NAV3: variants seen among roughly 807,000 people sequenced by gnomAD.
NAV3 encodes the protein pore membrane and/or filament interacting like protein 1.
NAV3 carries 87 observed loss-of-function variants against 244.7 expected under a neutral mutation model. The ratio of observed to expected loss-of-function variants is 0.36; its 90% confidence interval spans 0.30 to 0.42. NAV3 has a LOEUF of 0.42. Ranked by LOEUF, NAV3 falls within the 20% of genes least tolerant of loss-of-function variation. NAV3 has a pLI of 1.00. For synonymous variants in NAV3, 1,126 were observed against 1,042.2 expected (o/e 1.08, Z -1.55); for missense variants, 2,663 against 2,893.3 (o/e 0.92, Z 1.83).
chr12:78,048,766 C>G (rs1186471556), intron 9 of NAV3, among the ~76,000 whole-genome samples: 2 of 152,234 alleles, frequency 1.3e-5, no homozygotes, highest in African/African-American at 2.4e-5. Flanking sequence ...ATCCGCTGCT[C>G]TCTTCAGAGC....
chr12:77,706,967 C>CA (rs1007253867), intron 2 of NAV3, among the ~76,000 whole-genome samples: 3 of 149,754 alleles, frequency 2.0e-5, no homozygotes, highest in African/African-American at 7.3e-5. Context: ...GTGCATATTT[C>CA]ACCTGCTTGG....
At chr12:77,686,424 CTTTTTTTTTTTTT>C (rs10573795) in intron 2 of NAV3, among the ~76,000 whole-genome samples, 4 of 113,856 alleles carry the variant, frequency 3.5e-5, no homozygotes, top group African/African-American at 1.4e-4. Context: ...TTCTTTCTTT[CTTTTTTTTTTTTT>C]TTTTTTTTTT....
chr12:77,891,104 T>C (rs1883881846), intron 1 of NAV3, among the ~76,000 whole-genome samples: 1 of 151,988 alleles, frequency 6.6e-6, no homozygotes, highest in Non-Finnish European at 1.5e-5. Context: ...TTTCTTGGTA[T>C]TCCTGTCTTA....
intron 7 of NAV3, among the ~76,000 whole-genome samples, chr12:77,999,426 C>T (rs943468470): frequency 1.5e-4 from 23 of 152,184 alleles, no homozygotes; most frequent in African/African-American, 5.5e-4. Flanking sequence ...CATGTGGGAA[C>T]GTTTTTGCTC....
Position 77,932,965 on chromosome 12 carries a change from T to C in NAV3, c.244-7354T>C, listed in dbSNP as rs1440040266. Among the ~76,000 whole-genome samples the C allele has an allele frequency of 2.0e-5, 3 of 152,218 alleles. No homozygotes were observed. In the East Asian group the frequency reaches 5.8e-4, roughly 29 times the overall value. ...TGCATATTCTGCATGGAATATGCTT[T>C]CCCCTTCCTTCTGATTGTCAAATCT... On this transcript the variant is annotated intron_variant, in intron 1 of 39. Transcript: ENST00000397909.
chr12:77,950,727 C>T (rs965099625), intron 3 of NAV3: 4 of 152,168 alleles, frequency 2.6e-5, no homozygotes, highest in Non-Finnish European at 4.4e-5. Context: ...GAGATATAGA[C>T]CAATGGAACA....
chr12:77,604,339 C>A (rs928989461), intron 2 of NAV3, among the ~76,000 whole-genome samples: 4 of 151,702 alleles, frequency 2.6e-5, no homozygotes, highest in Admixed American at 1.3e-4. Flanking sequence ...AAGAATTGAT[C>A]TAGGAAAGTA....
chr12:78,071,687 C>T (rs1952778009), intron 12 of NAV3, among the ~76,000 whole-genome samples: 1 of 152,138 alleles, frequency 6.6e-6, no homozygotes, highest in Non-Finnish European at 1.5e-5. Context: ...CAGCTTTCTA[C>T]ATATGGCTAG....
rs148401233 is a variant in NAV3, at chr12:77,788,507, T to C, written c.73-151812T>C. Reference sequence around the variant, plus strand: ...CCATAAAAGGCTAACTTGGATTACATGATCTCTACGGTGTCTTTCAGCTCT... The same window carrying C: ...CCATAAAAGGCTAACTTGGATTACACGATCTCTACGGTGTCTTTCAGCTCT... On this transcript the variant is annotated intron_variant, in intron 2 of 8. Coordinates refer to the NAV3 transcript ENST00000550042. Among the ~76,000 whole-genome samples, 4 of 152,274 alleles carry C rather than the reference T, an allele frequency of 2.6e-5. No homozygotes were observed. The South Asian group carries it at 6.2e-4, about 24-fold the overall frequency.
intron 9 of NAV3, among the ~76,000 whole-genome samples, chr12:78,046,661 A>T (rs1050963030): frequency 7.2e-5 from 11 of 152,156 alleles, no homozygotes; most frequent in Non-Finnish European, 1.2e-4. Context: ...TTATGTGATC[A>T]GTTTTAGAAT....
At chr12:78,065,534 G>A (rs963909295) in intron 12 of NAV3, among the ~76,000 whole-genome samples, 2 of 152,136 alleles carry the variant, frequency 1.3e-5, no homozygotes, top group African/African-American at 4.8e-5. Flanking sequence ...AAAGATCAAA[G>A]GACAACCAGG....
intron 34 of NAV3, 44 bp downstream of exon 34, chr12:78,190,263 A>C (rs1388941597): frequency 6.7e-7 from 1 of 1,486,890 alleles, no homozygotes; most frequent in Non-Finnish European, 9.3e-7. Flanking sequence ...TTTATCCATA[A>C]GTGTTTTAAG....
intron 5 of NAV3, among the ~76,000 whole-genome samples, chr12:77,977,680 A>C (rs963752063): frequency 9.4e-6 from 1 of 106,106 alleles, no homozygotes; most frequent in Admixed American, 1.1e-4. Context: ...TAGATAGGAG[A>C]TATATATATA....
chr12:77,756,837 T>TA (rs952718638), intron 2 of NAV3, among the ~76,000 whole-genome samples: 1 of 152,138 alleles, frequency 6.6e-6, no homozygotes. Context: ...TCCTTGCCAT[T>TA]AAAAAATTAT....
intron 12 of NAV3, among the ~76,000 whole-genome samples, chr12:78,093,737 A>AC (rs1393351252): frequency 6.6e-6 from 1 of 152,196 alleles, no homozygotes; most frequent in Non-Finnish European, 1.5e-5. Flanking sequence ...ATTGTTTCTT[A>AC]CCCCAAATCA....
intron 3 of NAV3, among the ~76,000 whole-genome samples, chr12:77,957,556 T>G (rs1205066810): frequency 2.0e-5 from 3 of 152,242 alleles, no homozygotes; most frequent in African/African-American, 4.8e-5. Context: ...GCTAAAAGGC[T>G]GGCTGTAATA....
intron 2 of NAV3, among the ~76,000 whole-genome samples, chr12:77,630,205 G>T (rs559898248): frequency 2.0e-5 from 3 of 152,144 alleles, no homozygotes; most frequent in South Asian, 2.1e-4. Context: ...TGAACAGCAG[G>T]CCACATCATT....
At chr12:77,940,213 T>C (rs1565940470) in intron 1 of NAV3, 106 bp from the exon 2 acceptor site, 4 of 776,816 alleles carry the variant, frequency 5.1e-6, no homozygotes, top group Non-Finnish European at 6.5e-6. Flanking sequence ...TAAACTGGAA[T>C]GTGATCCAGA....
At chr12:77,785,371 G>A (rs2135928069) in intron 2 of NAV3, among the ~76,000 whole-genome samples, 1 of 152,154 alleles carries the variant, frequency 6.6e-6, no homozygotes, top group Non-Finnish European at 1.5e-5. Context: ...CCATGACAAT[G>A]TACAGTGCCA....
Sources: gnomAD v4.1 joint callset for allele counts (sites outside exome capture counted in the v4.1 genomes callset) on GRCh38, gnomAD v4.1.1 for gene constraint, MANE v1.5 for transcripts, NCBI Gene and HGNC (gene_info 2026-07-23, HGNC 2026-07-21) for gene names.